SCAPER: variants seen among roughly 807,000 people sequenced by gnomAD.
The protein encoded by SCAPER is S-phase cyclin A associated protein in the ER.
Under a neutral mutation model 182.2 loss-of-function variants are expected in SCAPER, and 98 were observed. The ratio of observed to expected loss-of-function variants is 0.54; its 90% CI spans 0.46 to 0.64. The LOEUF (loss-of-function observed/expected upper bound fraction) is 0.64. Among genes scored for constraint, SCAPER ranks in the 30% least tolerant of loss-of-function variants. The pLI, the probability that SCAPER is intolerant of heterozygous loss-of-function variation, is 0.00. For synonymous variants in SCAPER, 605 were observed against 564.6 expected (o/e 1.07, Z -1.01); for missense variants, 1,432 against 1,690.0 (o/e 0.85, Z 2.68).
intron 27 of SCAPER, among the ~76,000 whole-genome samples, chr15:76,394,306 GTCACTGGAGGTGTTCAA>G (rs2043905691): frequency 6.6e-6 from 1 of 152,186 alleles, no homozygotes; most frequent in African/African-American, 2.4e-5. Context: ...CGAATTTCCT[GTCACTGGAGGTGTTCAA>G]CAGAGACAGA....
At chr15:76,452,116 G>A (rs1400549982) in intron 25 of SCAPER, among the ~76,000 whole-genome samples, 1 of 151,902 alleles carries the variant, frequency 6.6e-6, no homozygotes, top group Non-Finnish European at 1.5e-5. Context: ...TGCTTTCTGA[G>A]TATATGTACA....
intron 8 of SCAPER, among the ~76,000 whole-genome samples, chr15:76,790,230 C>CA (rs34503482): frequency 0.35 from 48,928 of 140,290 alleles, 8,461 homozygotes; most frequent in East Asian, 0.54. Flanking sequence ...GACTCCATCT[C>CA]AAAAAAAAAA....
intron 17 of SCAPER, among the ~76,000 whole-genome samples, chr15:76,714,879 G>A (rs2059802461): frequency 6.6e-6 from 1 of 151,828 alleles, no homozygotes; most frequent in African/African-American, 2.4e-5. Context: ...TTTAACATTA[G>A]AAAAATCAAT....
chr15:76,750,112 A>G (rs1001231095), intron 15 of SCAPER, among the ~76,000 whole-genome samples: 2 of 151,966 alleles, frequency 1.3e-5, no homozygotes, highest in African/African-American at 2.4e-5. Context: ...CAATGTTATT[A>G]AAGCAATTCA....
intron 20 of SCAPER, among the ~76,000 whole-genome samples, chr15:76,681,200 C>T (rs1292207408): frequency 6.6e-6 from 1 of 152,126 alleles, no homozygotes; most frequent in Non-Finnish European, 1.5e-5. Flanking sequence ...ATACACATTT[C>T]TAAGAAAAAT....
intron 20 of SCAPER, among the ~76,000 whole-genome samples, chr15:76,669,598 C>A (rs2056869470): frequency 6.6e-6 from 1 of 152,160 alleles, no homozygotes; most frequent in Admixed American, 6.5e-5. Context: ...TCTTCACAAT[C>A]CCATAAAGCA....
intron 10 of SCAPER, among the ~76,000 whole-genome samples, chr15:76,769,585 T>C (rs1033876921): frequency 5.3e-5 from 8 of 151,994 alleles, no homozygotes; most frequent in African/African-American, 1.7e-4. Flanking sequence ...ATCCTGCTCA[T>C]CAGAGAAATG....
At chr15:76,537,960 A>G (rs1001779660) in intron 23 of SCAPER, among the ~76,000 whole-genome samples, 3 of 151,840 alleles carry the variant, frequency 2.0e-5, no homozygotes, top group African/African-American at 7.2e-5. Context: ...AAGACACATG[A>G]AAAAATGCTC....
At chr15:76,848,333 T>TGG (rs1491413809) in intron 4 of SCAPER, among the ~76,000 whole-genome samples, 47 of 60,164 alleles carry the variant, frequency 7.8e-4, no homozygotes, top group Non-Finnish European at 1.0e-3. Context: ...GTTTTTTTTT[T>TGG]TTTTTTTTTT....
chr15:76,712,418 C>T (rs1006307465), intron 17 of SCAPER, among the ~76,000 whole-genome samples: 4 of 152,022 alleles, frequency 2.6e-5, no homozygotes, highest in Non-Finnish European at 4.4e-5. Flanking sequence ...CTTGGCGATG[C>T]GGGCTCTTTT....
chr15:76,482,893 G>A (rs544656889), intron 24 of SCAPER, among the ~76,000 whole-genome samples: 1 of 152,120 alleles, frequency 6.6e-6, no homozygotes, highest in African/African-American at 2.4e-5. Context: ...ATATTCATGG[G>A]TAGGAAGACT....
At position 76,466,419 on chromosome 15, in the gene SCAPER, CTTTTT is replaced by C; in HGVS notation, c.3078+4788_3078+4792del. 1.5e-3 allele frequency among the ~76,000 whole-genome samples: 58 copies of C among 37,424 alleles called. 1 individual carries two copies. The highest frequency in any genetic ancestry group is 7.2e-3 in the Admixed American group (15 of 2,088). 24.6% of individuals were successfully genotyped at this position (37,424 alleles called of 152,430 possible). A position where few individuals can be genotyped will look rare whatever the true frequency, so the allele number is the denominator to read the frequency against. ...TCAGTTCCAAAATTGGTTGGTTCTT[CTTTTT>C]TTTTTTTTTTTTTTTTTTGTATTTT... On this transcript the variant is annotated intron_variant, in intron 25 of 31. Coordinates refer to ENST00000563290, the MANE Select transcript of SCAPER (RefSeq NM_020843.4).
rs565954871 is a variant in SCAPER, at chr15:76,362,708, G to A, written c.3856-8568C>T. 3.3e-5 allele frequency among the ~76,000 whole-genome samples: 5 copies of A among 150,346 alleles called. No individual in the cohort carries two copies. The East Asian group carries it at 9.7e-4, about 29-fold the overall frequency. ...TTACAGGTGTAAGCCACTGCGCTCA[G>A]CCCTTGCTCTCTCTCTTTCTCTCTC... On this transcript the variant is annotated intron_variant, in intron 29 of 31. Coordinates refer to ENST00000563290, the MANE Select transcript of SCAPER (RefSeq NM_020843.4).
In SCAPER at chr15:76,900,214, G is replaced by A. The variant is rs1464464175; in HGVS notation, c.-60+5085C>T. ...ACACAAACAGGGCCGAAGGCCGCAG[G>A]GACCTCTGCCTAGGAAAACCAGAGA... is the stretch of plus-strand genomic sequence containing the variant. On this transcript the variant is annotated intron_variant, in intron 1 of 31. Coordinates refer to ENST00000563290, the MANE Select transcript of SCAPER (RefSeq NM_020843.4). Among the ~76,000 whole-genome samples the A allele has an allele frequency of 6.6e-5, 10 of 151,908 alleles. No homozygotes were observed. The East Asian group carries it at 1.4e-3, about 21-fold the overall frequency.
intron 26 of SCAPER, among the ~76,000 whole-genome samples, chr15:76,422,605 C>T (rs1201814442): frequency 6.6e-6 from 1 of 152,162 alleles, no homozygotes; most frequent in Non-Finnish European, 1.5e-5. Flanking sequence ...ATTGAATACC[C>T]TTTATTTCCT....
At chr15:76,588,606 T>C (rs1225293120) in intron 22 of SCAPER, among the ~76,000 whole-genome samples, 2 of 152,210 alleles carry the variant, frequency 1.3e-5, no homozygotes, top group Admixed American at 6.5e-5. Context: ...ACGTGAGTAT[T>C]GAGATGTGAG....
chr15:76,549,323 C>T (rs1214757069), intron 23 of SCAPER, among the ~76,000 whole-genome samples: 1 of 152,122 alleles, frequency 6.6e-6, no homozygotes, highest in African/African-American at 2.4e-5. Context: ...TTTATTGCGG[C>T]ACTATTCACA....
intron 5 of SCAPER, among the ~76,000 whole-genome samples, chr15:76,824,296 G>T (rs547006927): frequency 6.6e-6 from 1 of 152,226 alleles, no homozygotes; most frequent in Non-Finnish European, 1.5e-5. Flanking sequence ...TGGCTGCAAC[G>T]GATTTGATTG....
At chr15:76,771,602 A>G in intron 10 of SCAPER, 140 bp downstream of exon 10, 2 of 624,190 alleles carry the variant, frequency 3.2e-6, no homozygotes, top group Non-Finnish European at 5.2e-6. Context: ...TTACCAAAAT[A>G]ATAAAATGTT....
Sources: allele counts gnomAD v4.1 joint callset (sites outside exome capture counted in the v4.1 genomes callset), GRCh38; gene constraint gnomAD v4.1.1; transcripts MANE v1.5; gene names NCBI Gene and HGNC (gene_info 2026-07-23, HGNC 2026-07-21).